The following SPMIP7 variants were observed in gnomAD, a reference collection of about 807,000 sequenced individuals.
SPMIP7 encodes the protein protein SPMIP7.
chr7:50,135,775 A>G, the SPMIP7 span, among the ~76,000 whole-genome samples: 155 of 152,330 alleles, frequency 1.0e-3, 1 homozygote, highest in African/African-American at 3.7e-3. Context: ...GGTAGACTAC[A>G]GTGGATCCAA....
the SPMIP7 span, among the ~76,000 whole-genome samples, chr7:50,148,415 T>C: frequency 2.4e-4 from 36 of 152,378 alleles, no homozygotes; most frequent in Non-Finnish European, 4.4e-4. Context: ...TTTCATGTGA[T>C]TGACAGATGG....
the SPMIP7 span, among the ~76,000 whole-genome samples, chr7:50,110,563 A>T: frequency 1.4e-5 from 2 of 143,336 alleles, no homozygotes; most frequent in African/African-American, 5.1e-5. Context: ...GCTTATATTT[A>T]TATATAATAT....
chr7:50,108,270 A>C, the SPMIP7 span, among the ~76,000 whole-genome samples: 1 of 152,240 alleles, frequency 6.6e-6, no homozygotes, highest in Non-Finnish European at 1.5e-5. Context: ...AAGATGCACC[A>C]GCAAGAAAAT....
chr7:50,097,213 A>G, the SPMIP7 span, among the ~76,000 whole-genome samples: 10 of 152,214 alleles, frequency 6.6e-5, no homozygotes, highest in Non-Finnish European at 1.3e-4. Context: ...GAGTTCCTCT[A>G]AATGATGAGA....
chr7:50,134,109 G>A, the SPMIP7 span: 2 of 1,541,708 alleles, frequency 1.3e-6, no homozygotes, highest in East Asian at 2.4e-5. Flanking sequence ...ACTTCATAGA[G>A]CTTATGAAGA....
chr7:50,158,102 C>T, the SPMIP7 span, among the ~76,000 whole-genome samples: 1 of 151,836 alleles, frequency 6.6e-6, no homozygotes, highest in Non-Finnish European at 1.5e-5. Context: ...GCCCAGGCCC[C>T]TCCCGCCCAT....
At chr7:50,126,104 C>T in the SPMIP7 span, among the ~76,000 whole-genome samples, 6 of 152,022 alleles carry the variant, frequency 3.9e-5, no homozygotes. Flanking sequence ...TGAATATATA[C>T]ATTTCTTTTT....
At chr7:50,151,041 A>G in the SPMIP7 span, among the ~76,000 whole-genome samples, 67 of 152,384 alleles carry the variant, frequency 4.4e-4, no homozygotes, top group African/African-American at 1.4e-3. Context: ...CTATAAATGT[A>G]AGAGTGTATA....
chr7:50,108,270 A>G, the SPMIP7 span, among the ~76,000 whole-genome samples: 5 of 152,240 alleles, frequency 3.3e-5, no homozygotes, highest in Admixed American at 3.3e-4. Context: ...AAGATGCACC[A>G]GCAAGAAAAT....
chr7:50,096,658 CTTTCTAT>C, the SPMIP7 span: 2 of 1,487,526 alleles, frequency 1.3e-6, no homozygotes, highest in Non-Finnish European at 1.8e-6. Flanking sequence ...GTGACATGAA[CTTTCTAT>C]TTTTTAAATG....
chr7:50,125,669 C>T, the SPMIP7 span, among the ~76,000 whole-genome samples: 3 of 150,102 alleles, frequency 2.0e-5, no homozygotes, highest in Admixed American at 6.7e-5. Context: ...AAAGAACTTC[C>T]ATTTACCACA....
chr7:50,157,370 G>A, the SPMIP7 span, among the ~76,000 whole-genome samples: 8 of 152,132 alleles, frequency 5.3e-5, no homozygotes, highest in South Asian at 2.1e-4. Flanking sequence ...CTCCAAAGTC[G>A]TGAGCAAGGG....
the SPMIP7 span, chr7:50,159,168 A>G: frequency 1.3e-6 from 2 of 1,551,224 alleles, no homozygotes; most frequent in Admixed American, 2.0e-5. Flanking sequence ...ATAGACTACT[A>G]GAGGAGGCGG....
chr7:50,129,119 G>C, the SPMIP7 span, among the ~76,000 whole-genome samples: 1 of 151,742 alleles, frequency 6.6e-6, no homozygotes, highest in African/African-American at 2.4e-5. Context: ...TTAAAACATA[G>C]AACTAGAAAA....
the SPMIP7 span, among the ~76,000 whole-genome samples, chr7:50,123,566 A>ATAAT: frequency 9.1e-6 from 1 of 109,434 alleles, no homozygotes; most frequent in Admixed American, 9.5e-5. Context: ...TTAAAGTATA[A>ATAAT]TAATAAATAA....
chr7:50,126,925 A>T, the SPMIP7 span, among the ~76,000 whole-genome samples: 1 of 152,028 alleles, frequency 6.6e-6, no homozygotes, highest in South Asian at 2.1e-4. Flanking sequence ...TTTATATGAA[A>T]ATGCAAAAGA....
At chr7:50,102,874 G>A in the SPMIP7 span, among the ~76,000 whole-genome samples, 1 of 151,140 alleles carries the variant, frequency 6.6e-6, no homozygotes, top group Non-Finnish European at 1.5e-5. Context: ...TCTGACAATA[G>A]TCATTAAAGG....
chr7:50,107,835 T>A, the SPMIP7 span, among the ~76,000 whole-genome samples: 1 of 152,178 alleles, frequency 6.6e-6, no homozygotes, highest in Non-Finnish European at 1.5e-5. Context: ...ATTCTGGCAG[T>A]CTCAGCCCCA....
At chr7:50,120,768 T>C in the SPMIP7 span, among the ~76,000 whole-genome samples, 7 of 152,306 alleles carry the variant, frequency 4.6e-5, no homozygotes, top group African/African-American at 7.2e-5. Flanking sequence ...ATTACTATGA[T>C]TGATATTACC....
Sources: gnomAD v4.1 joint callset for allele counts (sites outside exome capture counted in the v4.1 genomes callset) on GRCh38, gnomAD v4.1.1 for gene constraint, MANE v1.5 for transcripts, NCBI Gene and HGNC (gene_info 2026-07-23, HGNC 2026-07-21) for gene names.